ZNF550: variants seen among roughly 807,000 people sequenced by gnomAD.
ZNF550 encodes zinc finger protein 550.
ZNF550 carries 42 observed loss-of-function variants against 40.2 expected under a neutral mutation model. The ratio of observed to expected loss-of-function variants is 1.05; its 90% confidence interval spans 0.82 to 1.35. The LOEUF (loss-of-function observed/expected upper bound fraction) is 1.35. ZNF550 is among the 40% of genes most tolerant of loss of function. The pLI is 0.00. For missense variants in ZNF550, 549 were observed against 525.2 expected (o/e 1.05, Z -0.44); for synonymous variants, 223 against 198.6 (o/e 1.12, Z -1.03).
At chr19:57,552,958 C>T (rs2090086607) in intron 2 of ZNF550, 2 of 454,450 alleles carry the variant, frequency 4.4e-6, no homozygotes, top group South Asian at 9.0e-5. Context: ...GAGACAGGAT[C>T]TTTAGAAGGT....
At chr19:57,555,088 A>T (rs909743067) in intron 2 of ZNF550, 1 of 152,116 alleles carries the variant, frequency 6.6e-6, no homozygotes, top group East Asian at 1.9e-4. Flanking sequence ...CTTTATCCTG[A>T]CCCACTTTTG....
chr19:57,546,710 A>G (rs2090012954), exon 4 of ZNF550: 5 of 1,220,398 alleles, frequency 4.1e-6, no homozygotes, highest in Non-Finnish European at 4.1e-6. Context: ...AATGCCTTCC[A>G]CATTTCCCCC....
At chr19:57,551,349 G>A (rs1248554577) in intron 3 of ZNF550, among the ~76,000 whole-genome samples, 5 of 152,164 alleles carry the variant, frequency 3.3e-5, no homozygotes, top group Admixed American at 2.0e-4. Flanking sequence ...GCTGCCCAGA[G>A]GAATGGGGCA....
exon 4 of ZNF550, chr19:57,546,965 T>C: frequency 6.3e-7 from 1 of 1,595,512 alleles, no homozygotes; most frequent in Admixed American, 1.7e-5. Context: ...ATTGCAGCAA[T>C]AGGGTTCTCT....
chr19:57,542,562 G>T (rs2089970218), exon 5 of ZNF550: 1 of 151,454 alleles, frequency 6.6e-6, no homozygotes, highest in South Asian at 2.1e-4. Context: ...TGAAATATAG[G>T]ATAGAAATAT....
At chr19:57,546,999 CAGA>C (rs1416867243) in exon 4 of ZNF550, 1 of 1,612,478 alleles carries the variant, frequency 6.2e-7, no homozygotes, top group Non-Finnish European at 8.5e-7. Flanking sequence ...TTTGGTGCTG[CAGA>C]AGGTGTGACC....
chr19:57,556,011 G>A, intron 2 of ZNF550: 1 of 521,382 alleles, frequency 1.9e-6, no homozygotes, highest in South Asian at 2.0e-5. Flanking sequence ...ATGCAATCTT[G>A]ATTAAGGACC....
chr19:57,547,875 C>T, exon 4 of ZNF550: 1 of 1,614,080 alleles, frequency 6.2e-7, no homozygotes, highest in Non-Finnish European at 8.5e-7. Flanking sequence ...TAGCTCTCCC[C>T]AACCTCGAAT....
At chr19:57,544,044 G>A (rs969681846) in intron 4 of ZNF550, 122 of 985,214 alleles carry the variant, frequency 1.2e-4, no homozygotes, top group African/African-American at 8.6e-4. Context: ...ACTTAAAAAC[G>A]GGTGCTAAAC....
At chr19:57,559,843 G>A (rs2090156528) in exon 1 of ZNF550, 1 of 560,754 alleles carries the variant, frequency 1.8e-6, no homozygotes, top group Non-Finnish European at 2.7e-6. Flanking sequence ...AAACGTCCAC[G>A]CCAGCGAGGC....
chr19:57,542,142 A>G (rs1352884389), exon 5 of ZNF550: 1 of 152,036 alleles, frequency 6.6e-6, no homozygotes, highest in Non-Finnish European at 1.5e-5. Context: ...ATGTATTTCA[A>G]TATGAGAAAT....
At chr19:57,544,594 A>T (rs910565280) in intron 4 of ZNF550, 24 of 985,284 alleles carry the variant, frequency 2.4e-5, no homozygotes, top group Non-Finnish European at 2.9e-5. Context: ...CTGAAAAAAC[A>T]AAAACAGAGA....
At chr19:57,547,646 T>C in exon 4 of ZNF550, 1 of 1,614,212 alleles carries the variant, frequency 6.2e-7, no homozygotes, top group Non-Finnish European at 8.5e-7. Context: ...TAGGGGTTTG[T>C]CCCTGCATGA....
exon 4 of ZNF550, chr19:57,547,099 C>T (rs754576099): frequency 4.5e-5 from 73 of 1,610,164 alleles, no homozygotes; most frequent in Middle Eastern, 3.3e-4. Context: ...GTACGTGCTC[C>T]GGTGAAAGGC....
intron 1 of ZNF550, among the ~76,000 whole-genome samples, chr19:57,558,565 C>G (rs974754170): frequency 1.3e-5 from 2 of 152,122 alleles, no homozygotes; most frequent in Non-Finnish European, 2.9e-5. Context: ...AGATCCTAAA[C>G]AGGCAACTAA....
At chr19:57,559,547 G>A (rs1339466553) in intron 1 of ZNF550, 109 bp downstream of exon 1, 1 of 1,104,862 alleles carries the variant, frequency 9.1e-7, no homozygotes, top group East Asian at 3.2e-5. Flanking sequence ...CCTCTAAGAA[G>A]CAACGGCAGG....
intron 2 of ZNF550, chr19:57,553,788 A>C (rs747803848): frequency 1.3e-5 from 2 of 152,144 alleles, no homozygotes; most frequent in Non-Finnish European, 2.9e-5. Context: ...TTCCAACCTC[A>C]AACCAAATGA....
rs370837702 is a variant in ZNF550 at position 57,556,400 on chromosome 19, C to T, written c.28-43G>A. The T allele has an allele frequency of 1.1e-5, 18 of 1,587,354 alleles. No individual in the cohort carries two copies. In the East Asian group the frequency reaches 1.3e-4, roughly 12 times the overall value. On this transcript the variant is annotated intron_variant, in intron 1 of 4. Coordinates refer to ENST00000457177, the Ensembl canonical transcript of ZNF550. Reference sequence around the variant, plus strand: ...AGTAATGCTATTGGCCTTGTGTTGTCGCATAGGATCAGAACCTGTCACTCA... The same window carrying T: ...AGTAATGCTATTGGCCTTGTGTTGTTGCATAGGATCAGAACCTGTCACTCA...
At chr19:57,547,671 C>A (rs757764085) in exon 4 of ZNF550, 1 of 1,614,188 alleles carries the variant, frequency 6.2e-7, no homozygotes, top group South Asian at 1.1e-5. Context: ...AGGCGTCTTT[C>A]CCTGGTTGCT....
Sources: gnomAD v4.1 joint callset for allele counts (sites outside exome capture counted in the v4.1 genomes callset) on GRCh38, gnomAD v4.1.1 for gene constraint, MANE v1.5 for transcripts, NCBI Gene and HGNC (gene_info 2026-07-23, HGNC 2026-07-21) for gene names.